MROH9: variants seen among roughly 807,000 people sequenced by gnomAD.
MROH9 encodes the protein maestro heat-like repeat-containing protein family member 9.
A neutral mutation model predicts 98.2 loss-of-function variants in MROH9; 92 were observed. The ratio of observed to expected loss-of-function variants is 0.94; its 90% CI spans 0.79 to 1.11. The LOEUF (loss-of-function observed/expected upper bound fraction) is 1.11. Ranked by LOEUF, MROH9 falls within the 50% of genes most tolerant of loss-of-function variation. The probability of loss-of-function intolerance (pLI) is 0.00; values close to 1 mark genes in which losing one functional copy is unlikely to be tolerated. For synonymous variants in MROH9, 397 were observed against 368.9 expected, an observed-to-expected ratio of 1.08 and a Z score of -0.87; for missense variants, 1,057 against 1,014.8, an observed-to-expected ratio of 1.04 and a Z score of -0.57.
chr1:170,943,276 A>G (rs1206175203), intron 1 of MROH9, among the ~76,000 whole-genome samples: 1 of 152,116 alleles, frequency 6.6e-6, no homozygotes, highest in Non-Finnish European at 1.5e-5. Context: ...TCAGGAAAAA[A>G]ATGGAGTGTT....
intron 4 of MROH9, among the ~76,000 whole-genome samples, chr1:170,958,765 T>A (rs1649892337): frequency 6.6e-6 from 1 of 152,224 alleles, no homozygotes; most frequent in East Asian, 1.9e-4. Flanking sequence ...GCCATCAGTT[T>A]GAAGATGCAT....
chr1:170,942,725 A>T (rs1052690702), intron 1 of MROH9, among the ~76,000 whole-genome samples: 1 of 152,134 alleles, frequency 6.6e-6, no homozygotes, highest in Non-Finnish European at 1.5e-5. Flanking sequence ...GGTGATAAGG[A>T]TGTGAGGAAA....
chr1:171,038,239 C>T (rs927723785), intron 20 of MROH9, among the ~76,000 whole-genome samples: 1 of 151,840 alleles, frequency 6.6e-6, no homozygotes, highest in African/African-American at 2.4e-5. Flanking sequence ...GAAGTACACA[C>T]CAAAAAAAAA....
chr1:170,965,059 A>C, intron 6 of MROH9, 92 bp from the exon 7 acceptor site: 29 of 744,940 alleles, frequency 3.9e-5, no homozygotes, highest in Non-Finnish European at 6.2e-5. Flanking sequence ...AGAATGTAGG[A>C]AGGCCTGATT....
chr1:171,004,389 G>T (rs1651881946), intron 15 of MROH9, among the ~76,000 whole-genome samples: 1 of 151,980 alleles, frequency 6.6e-6, no homozygotes, highest in African/African-American at 2.4e-5. Context: ...GCAGGAATGG[G>T]CTGCTTGGGG....
intron 15 of MROH9, among the ~76,000 whole-genome samples, chr1:171,003,370 G>C (rs1651848151): frequency 6.6e-6 from 1 of 152,158 alleles, no homozygotes; most frequent in Non-Finnish European, 1.5e-5. Context: ...ATTTGGGTAG[G>C]CTCTGTCAGA....
intron 12 of MROH9, among the ~76,000 whole-genome samples, chr1:170,992,860 T>C (rs553187888): frequency 6.6e-6 from 1 of 152,296 alleles, no homozygotes; most frequent in African/African-American, 2.4e-5. Flanking sequence ...AAGTAACCAC[T>C]GGCTAGATCA....
intron 3 of MROH9, 151 bp downstream of exon 3, chr1:170,947,724 T>G (rs1194252058): frequency 1.6e-6 from 1 of 623,924 alleles, no homozygotes; most frequent in African/African-American, 1.9e-5. Context: ...GGTTAAAAAT[T>G]GTTTTTACCT....
chr1:170,971,254 A>G (rs1650446462), intron 7 of MROH9, among the ~76,000 whole-genome samples: 2 of 152,250 alleles, frequency 1.3e-5, no homozygotes, highest in African/African-American at 4.8e-5. Context: ...ATTTTAAAAA[A>G]ATGAATTCCC....
chr1:170,955,547 G>T (rs1323336360), intron 3 of MROH9, among the ~76,000 whole-genome samples: 4 of 152,066 alleles, frequency 2.6e-5, no homozygotes, highest in Admixed American at 6.6e-5. Flanking sequence ...TTATAGTTTT[G>T]ATTTGCATTT....
At chr1:171,009,457 G>T (rs28664840) in intron 15 of MROH9, among the ~76,000 whole-genome samples, 21,586 of 151,996 alleles carry the variant, frequency 0.14, 1,708 homozygotes, top group African/African-American at 0.21. Flanking sequence ...TAAGACTAAG[G>T]TATGTATTAT....
chr1:170,999,992 T>C (rs1446493653), intron 15 of MROH9, among the ~76,000 whole-genome samples: 2 of 152,190 alleles, frequency 1.3e-5, no homozygotes, highest in African/African-American at 4.8e-5. Flanking sequence ...TTTTGGGAAT[T>C]GTCTATTCAT....
chr1:170,978,875 G>C (rs1650818899), intron 8 of MROH9, among the ~76,000 whole-genome samples: 1 of 152,122 alleles, frequency 6.6e-6, no homozygotes, highest in Non-Finnish European at 1.5e-5. Flanking sequence ...CAAGAACCTG[G>C]AGACAGTAAG....
intron 6 of MROH9, among the ~76,000 whole-genome samples, chr1:170,964,833 G>T (rs894939055): frequency 1.3e-5 from 2 of 152,014 alleles, no homozygotes; most frequent in African/African-American, 4.8e-5. Flanking sequence ...AGAAAAAGAG[G>T]AGGCAAAGCA....
intron 17 of MROH9, among the ~76,000 whole-genome samples, chr1:171,019,847 A>G (rs1381607999): frequency 3.9e-5 from 6 of 152,136 alleles, no homozygotes; most frequent in African/African-American, 1.4e-4. Flanking sequence ...TGCTGAAAAA[A>G]TTAACAAAAT....
intron 14 of MROH9, among the ~76,000 whole-genome samples, chr1:170,997,668 A>G (rs955112119): frequency 6.6e-6 from 1 of 152,136 alleles, no homozygotes; most frequent in African/African-American, 2.4e-5. Flanking sequence ...GAGGCTGTCC[A>G]CCACCCAAGT....
chr1:170,987,026 A>G (rs1651164363), intron 10 of MROH9, among the ~76,000 whole-genome samples: 1 of 149,638 alleles, frequency 6.7e-6, no homozygotes, highest in Non-Finnish European at 1.5e-5. Context: ...AATTTTTTAA[A>G]CGAATTTTTG....
chr1:171,034,502 T>C (rs1407363612), intron 20 of MROH9, among the ~76,000 whole-genome samples: 6 of 152,202 alleles, frequency 3.9e-5, no homozygotes, highest in Non-Finnish European at 5.9e-5. Flanking sequence ...CCAGCTTGCT[T>C]CCTGATGGGT....
At chr1:170,950,824 C>A (rs1278451352) in intron 3 of MROH9, among the ~76,000 whole-genome samples, 1 of 151,900 alleles carries the variant, frequency 6.6e-6, no homozygotes, top group Non-Finnish European at 1.5e-5. Flanking sequence ...ATTTACAATC[C>A]ATCTTTTGCT....
Sources: gnomAD v4.1 joint callset for allele counts (sites outside exome capture counted in the v4.1 genomes callset) on GRCh38, gnomAD v4.1.1 for gene constraint, MANE v1.5 for transcripts, NCBI Gene and HGNC (gene_info 2026-07-23, HGNC 2026-07-21) for gene names.